MFRP: variants seen among roughly 807,000 people sequenced by gnomAD.
MFRP encodes C1q and TNF related 5.
MFRP carries 74 observed loss-of-function variants against 65.8 expected under a neutral mutation model. That is an observed-to-expected ratio of 1.12 (90% confidence interval 0.93 to 1.36). The LOEUF (loss-of-function observed/expected upper bound fraction) is 1.36, where lower values mean the gene tolerates loss of function less well. Among genes scored for constraint, MFRP ranks in the 40% most tolerant of loss-of-function variants. MFRP has a pLI of 0.00. For synonymous variants in MFRP, 336 were observed against 288.3 expected, an observed-to-expected ratio of 1.17 and a Z score of -1.68; for missense variants, 838 against 736.0, an observed-to-expected ratio of 1.14 and a Z score of -1.60.
rs751663826 is a variant in MFRP, at chr11:119,339,346, G to T, written c.*1613C>A. The T allele has an allele frequency of 1.9e-6, 3 of 1,612,894 alleles. No homozygotes were observed. In the South Asian group the frequency reaches 3.3e-5, roughly 18 times the overall value. ...GCAGTGGGCACTAAGCAAAGACTGG[G>T]GAGCTGTGCCAGTCGGAGTACACCA... On this transcript the variant is annotated 3_prime_UTR_variant, in exon 15 of 15. Transcript: ENST00000619721. The surrounding 1 kb of genome is among the most constrained non-coding windows in gnomAD (Gnocchi z 5.4).
intron 9 of MFRP, 39 bp from the exon 10 acceptor site, chr11:119,343,042 G>A (rs1471676299): frequency 3.2e-6 from 5 of 1,567,118 alleles, no homozygotes; most frequent in Non-Finnish European, 4.3e-6. Context: ...ACCAGCCCTG[G>A]CTGACTGAGG....
chr11:119,341,736 T>G lies in MFRP; in HGVS notation c.1552A>C (p.Arg518=). 1 of 1,613,256 alleles carries G rather than the reference T, an allele frequency of 6.2e-7. No individual in the cohort carries two copies. The change falls in exon 13 of 15, where the codon AGG becomes CGG. Residue 518 remains arginine, a synonymous_variant. Transcript: ENST00000619721. ...TSLPCYQHFR[R]LLCGLLVPRC... ...GGCACAAGCAGCCCACACAGGAGCC[T>G]CCGGAAATGCTGGTAGCAGGGCAGG... is the stretch of plus-strand genomic sequence containing the variant.
chr11:119,344,565 A>G (rs1950539037), intron 7 of MFRP, 67 bp downstream of exon 7: 1 of 1,612,426 alleles, frequency 6.2e-7, no homozygotes, highest in East Asian at 2.2e-5. Context: ...GCTGGACCAG[A>G]GCTGGGGAGC....
chr11:119,344,443 C>G, intron 7 of MFRP, 52 bp from the exon 8 acceptor site: 1 of 1,580,440 alleles, frequency 6.3e-7, no homozygotes, highest in South Asian at 1.1e-5. Context: ...TGCCTCCATC[C>G]AATAGGGCTG....
In MFRP at chr11:119,344,080, A is replaced by G. The variant is rs1950532436; in HGVS notation, c.976-116T>C. 2.2e-6 allele frequency: 3 copies of G among 1,377,776 alleles called. No homozygotes were observed. In the Admixed American group the frequency reaches 5.5e-5, roughly 25 times the overall value. The allele number at this position is 1,377,776 out of a possible 1,614,324, so 85.3% of individuals were successfully genotyped here. A position where few individuals can be genotyped will look rare whatever the true frequency, so the allele number is the denominator to read the frequency against. On this transcript the variant is annotated intron_variant, in intron 8 of 14. Transcript: ENST00000619721. ...GGGGGGATGGGGTGGTGCTTTCATC[A>G]TTGGTGGTTCTTAAGGACCTTTAAT...
At chr11:119,345,697 C>T in intron 4 of MFRP, 64 bp from the exon 5 acceptor site, 4 of 1,612,358 alleles carry the variant, frequency 2.5e-6, no homozygotes, top group African/African-American at 1.3e-5. Context: ...CTCAAGGTGC[C>T]TCTTCCTCAC....
In MFRP at chr11:119,339,986, C is replaced by T. The variant is rs564545298; in HGVS notation, c.*1111-138G>A. 2 of 1,306,134 alleles carry T rather than the reference C, an allele frequency of 1.5e-6. No individual in the cohort carries two copies. Among genetic ancestry groups the T allele is most frequent in the South Asian group, 3.2e-5 (2 of 62,562 alleles). The allele number at this position is 1,306,134 out of a possible 1,614,324, so 80.9% of individuals were successfully genotyped here. Reference sequence around the variant, plus strand: ...GCCTCCTCCCGCACGGGTACCTCCTCCACCCCTTCCCGCAGGGCAGATCTG... The same window carrying T: ...GCCTCCTCCCGCACGGGTACCTCCTTCACCCCTTCCCGCAGGGCAGATCTG... On this transcript the variant is annotated intron_variant, in intron 14 of 14. Coordinates refer to ENST00000619721, the MANE Select transcript of MFRP (RefSeq NM_031433.4). This position sits in a 1 kb window ranked among gnomAD's most constrained non-coding sequence, Gnocchi z 5.4.
At chr11:119,342,444 G>A in intron 11 of MFRP, 152 bp downstream of exon 11, 1 of 953,602 alleles carries the variant, frequency 1.0e-6, no homozygotes, top group Non-Finnish European at 1.6e-6. Context: ...TGTCTTCCAG[G>A]ACTCTGTGAA....
rs1269285763 is a variant in MFRP at position 119,340,449 on chromosome 11, C to T, written c.*854-9G>A. On this transcript the variant is annotated splice_polypyrimidine_tract_variant and intron_variant, in intron 13 of 14. Coordinates refer to ENST00000619721, the MANE Select transcript of MFRP (RefSeq NM_031433.4). ...CGGGGTCCTCTCGCAGTCTGTGGAC[C>T]AGGCAGGACTGGAGTCGGGACCCAG... 13 of 1,519,122 alleles carry T rather than the reference C, an allele frequency of 8.6e-6. No individual in the cohort carries two copies. The highest frequency in any genetic ancestry group is 2.8e-5 in the African/African-American group (2 of 71,982). 94.1% of individuals were successfully genotyped at this position (1,519,122 alleles called of 1,614,324 possible). A position where few individuals can be genotyped will look rare whatever the true frequency, so the allele number is the denominator to read the frequency against.
chr11:119,342,503 G>A (rs1038604560), intron 11 of MFRP, 93 bp downstream of exon 11: 78 of 1,525,322 alleles, frequency 5.1e-5, no homozygotes, highest in Non-Finnish European at 6.4e-5. Flanking sequence ...GCCCCCTCAG[G>A]GAGGTTGGGA....
intron 9 of MFRP, among the ~76,000 whole-genome samples, chr11:119,343,447 G>A (rs973958968): frequency 3.9e-5 from 6 of 152,254 alleles, no homozygotes; most frequent in African/African-American, 1.2e-4. Context: ...AAGCTGGGAG[G>A]TTGAGGCAGC....
Position 119,345,992 on chromosome 11 carries a change from G to A in MFRP, c.271+54C>T. The A allele has an allele frequency of 2.5e-6, 4 of 1,613,034 alleles. No individual in the cohort carries two copies. In the East Asian group the frequency reaches 8.9e-5, roughly 36 times the overall value. On this transcript the variant is annotated intron_variant, in intron 3 of 14. Transcript: ENST00000619721. ...TGGGTCCTGGGAGGCTGGGAGAGCGGCTCATGGAGTTTCATTCCAAAGCCC... is the reference window on the plus strand; with the variant it reads ...TGGGTCCTGGGAGGCTGGGAGAGCGACTCATGGAGTTTCATTCCAAAGCCC...
chr11:119,339,128 C>T lies in MFRP; in HGVS notation c.*1831G>A. 1.6e-6 allele frequency: 1 copy of T among 621,180 alleles called. No individual in the cohort carries two copies. The highest frequency in any genetic ancestry group is 2.8e-6 in the Non-Finnish European group (1 of 362,534). The allele number at this position is 621,180 out of a possible 1,614,324, so 38.5% of individuals were successfully genotyped here. A position where few individuals can be genotyped will look rare whatever the true frequency, so the allele number is the denominator to read the frequency against. Reference sequence around the variant, plus strand: ...CACTCCTCTGGTCTTGGGCAGAAATCCAGCCACTGCCCCATGCTGCCAGAC... The same window carrying T: ...CACTCCTCTGGTCTTGGGCAGAAATTCAGCCACTGCCCCATGCTGCCAGAC... On this transcript the variant is annotated 3_prime_UTR_variant, in exon 15 of 15. Coordinates refer to ENST00000619721, the MANE Select transcript of MFRP (RefSeq NM_031433.4). This position sits in a 1 kb window ranked among gnomAD's most constrained non-coding sequence, Gnocchi z 5.4.
rs562312824 is a variant in MFRP at position 119,342,943 on chromosome 11, C to T, written c.1185G>A (p.Leu395=). 1.9e-6 allele frequency: 3 copies of T among 1,612,306 alleles called. No homozygotes were observed. Among genetic ancestry groups the T allele is most frequent in the African/African-American group, 2.7e-5 (2 of 75,056 alleles). Residue 395 remains leucine (L), a synonymous_variant, in exon 10 of 15, where the codon CTG becomes CTA. Coordinates refer to ENST00000619721, the MANE Select transcript of MFRP (RefSeq NM_031433.4). ...LVSSHHELAV[L]FRTDHGISSG... is the part of the protein sequence containing the mutation. ...TGCTGATGCCATGATCTGTCCTAAACAGCACAGCCAGCTCATGGTGCGAGG... is the reference window on the plus strand; with the variant it reads ...TGCTGATGCCATGATCTGTCCTAAATAGCACAGCCAGCTCATGGTGCGAGG...
At chr11:119,343,996 G>A (rs1473371683) in intron 8 of MFRP, 32 bp from the exon 9 acceptor site, 11 of 1,609,336 alleles carry the variant, frequency 6.8e-6, no homozygotes, top group East Asian at 2.2e-5. Flanking sequence ...GCAATTCATG[G>A]CCCCTTCTCC....
Position 119,345,599 on chromosome 11 carries a change from G to A in MFRP, c.462C>T (p.Phe154=). The change falls in exon 5 of 15, where the codon TTC becomes TTT. Residue 154 remains phenylalanine, a synonymous_variant. Coordinates refer to ENST00000619721, the MANE Select transcript of MFRP (RefSeq NM_031433.4). ...GGTCTGGGTAGTTAGGGCTGCTGAAGAAGCCCCTTGGGCCAGAGAGGAGGC... is the reference window on the plus strand; with the variant it reads ...GGTCTGGGTAGTTAGGGCTGCTGAAAAAGCCCCTTGGGCCAGAGAGGAGGC... ...CGGLLSGPRG[F]FSSPNYPDPY... The A allele has an allele frequency of 6.2e-7, 1 of 1,613,796 alleles. No homozygotes were observed.
At position 119,346,239 on chromosome 11, in the gene MFRP, G is replaced by A. The variant is rs1368169892; in HGVS notation, c.157+33C>T. 5 of 1,579,818 alleles carry A rather than the reference G, an allele frequency of 3.2e-6. No individual in the cohort carries two copies. In the African/African-American group the frequency reaches 4.0e-5, roughly 13 times the overall value. On this transcript the variant is annotated intron_variant, in intron 2 of 14. Transcript: ENST00000619721. Reference sequence around the variant, plus strand: ...CTGTCCTTGGCTCCTGGGCCTCTCTGTCCTCCCCCAGGTCACCCCCTGGGA... The same window carrying A: ...CTGTCCTTGGCTCCTGGGCCTCTCTATCCTCCCCCAGGTCACCCCCTGGGA...
intron 5 of MFRP, 110 bp from the exon 6 acceptor site, chr11:119,345,114 A>T: frequency 7.0e-7 from 1 of 1,431,792 alleles, no homozygotes; most frequent in Non-Finnish European, 9.5e-7. Context: ...ACTGGTGACC[A>T]TGTGGTCAAA....
intron 5 of MFRP, 24 bp downstream of exon 5, chr11:119,345,396 T>C (rs1357029998): frequency 1.2e-6 from 2 of 1,609,316 alleles, no homozygotes; most frequent in East Asian, 2.2e-5. Context: ...CACGGTGGGA[T>C]GTCCTGGGGA....
Sources: allele counts gnomAD v4.1 joint callset (sites outside exome capture counted in the v4.1 genomes callset), GRCh38; gene constraint gnomAD v4.1.1; non-coding constraint Gnocchi (gnomAD v3.1); transcripts MANE v1.5; gene names NCBI Gene and HGNC (gene_info 2026-07-23, HGNC 2026-07-21).